The following TMOD2 variants were observed in gnomAD, a reference collection of about 807,000 sequenced individuals.
The protein encoded by TMOD2 is tropomodulin 2.
Under a neutral mutation model 39.9 loss-of-function variants are expected in TMOD2, and 22 were observed. The ratio of observed to expected loss-of-function variants is 0.55; its 90% CI spans 0.39 to 0.79. The LOEUF (loss-of-function observed/expected upper bound fraction) is 0.79. TMOD2 is among the 30% of genes least tolerant of loss of function. TMOD2 has a pLI of 0.00. For missense variants in TMOD2, 386 were observed against 413.3 expected, an observed-to-expected ratio of 0.93 and a Z score of 0.57; for synonymous variants, 123 against 146.1, an observed-to-expected ratio of 0.84 and a Z score of 1.14.
chr15:51,756,842 T>C (rs779221161), intron 1 of TMOD2, among the ~76,000 whole-genome samples: 8 of 152,204 alleles, frequency 5.3e-5, no homozygotes, highest in African/African-American at 1.9e-4. Flanking sequence ...CCAGAATATA[T>C]AGAAGTCTTT....
intron 9 of TMOD2, among the ~76,000 whole-genome samples, chr15:51,808,066 G>A (rs771859876): frequency 8.5e-5 from 13 of 152,206 alleles, no homozygotes; most frequent in Non-Finnish European, 1.8e-4. Flanking sequence ...TTAACCTGAA[G>A]AGTTAGTTAA....
rs1005997134 is a variant in TMOD2, at chr15:51,806,934, C to A, written c.1021+413C>A. Among the ~76,000 whole-genome samples the A allele has an allele frequency of 6.6e-5, 10 of 152,316 alleles. No individual in the cohort carries two copies. The Middle Eastern group carries it at 0.01, about 155-fold the overall frequency. On this transcript the variant is annotated intron_variant, in intron 9 of 9. Transcript: ENST00000249700. ...TATGGATATGTCTGATACTTTGGCA[C>A]TTTACATGTGATATAAACATGGAGC... is the stretch of plus-strand genomic sequence containing the variant.
chr15:51,795,577 G>GCTTGCTTGCTTTCTTT, intron 7 of TMOD2, among the ~76,000 whole-genome samples: 1 of 42,100 alleles, frequency 2.4e-5, no homozygotes, highest in East Asian at 4.2e-4. Flanking sequence ...TTGCTTGCTT[G>GCTTGCTTGCTTTCTTT]CTTTCTTTCT....
chr15:51,768,462 T>C lies in TMOD2; in HGVS notation c.283+44T>C, dbSNP rs769419260. ...GCATCTTGGAACAGAGGTTCTCTCT[T>C]TTTTTTTTTTGGAACGGAGGCACTC... On this transcript the variant is annotated intron_variant, in intron 3 of 9. Coordinates refer to ENST00000249700, the MANE Select transcript of TMOD2 (RefSeq NM_014548.4). 11 of 1,465,502 alleles carry C rather than the reference T, an allele frequency of 7.5e-6. No homozygotes were observed. The African/African-American group carries it at 1.0e-4, about 13-fold the overall frequency. 90.8% of individuals were successfully genotyped at this position (1,465,502 alleles called of 1,614,324 possible).
rs936217269 is a variant in TMOD2, at chr15:51,814,404, C to T, written c.*5950C>T. 6.6e-6 allele frequency: 1 copy of T among 152,232 alleles called. No homozygotes were observed. Among genetic ancestry groups the T allele is most frequent in the Non-Finnish European group, 1.5e-5 (1 of 68,070 alleles). 9.4% of individuals were successfully genotyped at this position (152,232 alleles called of 1,614,324 possible). A position where few individuals can be genotyped will look rare whatever the true frequency, so the allele number is the denominator to read the frequency against. ...CCTTGTTATCACCAGCAACCTTAGC[C>T]CTGGTCAGTAATATTTCTGCTAAGA... On this transcript the variant is annotated 3_prime_UTR_variant, in exon 10 of 10. Coordinates refer to ENST00000249700, the MANE Select transcript of TMOD2 (RefSeq NM_014548.4).
chr15:51,814,567 G>A lies in TMOD2; in HGVS notation c.*6113G>A, dbSNP rs2056176674. The A allele has an allele frequency of 6.6e-6, 1 of 152,224 alleles. No homozygotes were observed. Among genetic ancestry groups the A allele is most frequent in the Non-Finnish European group, 1.5e-5 (1 of 68,046 alleles). 9.4% of individuals were successfully genotyped at this position (152,224 alleles called of 1,614,324 possible). A position where few individuals can be genotyped will look rare whatever the true frequency, so the allele number is the denominator to read the frequency against. ...GGTGCTTAATGAACAAATGTTGCTT[G>A]AATTTAGCTGTCGTCCAGCCCCACA... On this transcript the variant is annotated 3_prime_UTR_variant, in exon 10 of 10. Transcript: ENST00000249700.
chr15:51,804,415 C>T (rs536417607), intron 8 of TMOD2, among the ~76,000 whole-genome samples: 6 of 150,452 alleles, frequency 4.0e-5, no homozygotes, highest in Admixed American at 1.3e-4. Flanking sequence ...TGTGTAGATA[C>T]GTGAATGCAT....
intron 8 of TMOD2, 140 bp downstream of exon 8, chr15:51,798,480 C>A: frequency 9.6e-7 from 1 of 1,042,400 alleles, no homozygotes; most frequent in Non-Finnish European, 1.4e-6. Flanking sequence ...AGTTTTAGAA[C>A]CATTTCTGGC....
rs73407393 is a variant in TMOD2 at position 51,784,540 on chromosome 15, A to G, written c.732+1712A>G. On this transcript the variant is annotated intron_variant, in intron 7 of 9. Coordinates refer to ENST00000249700, the MANE Select transcript of TMOD2 (RefSeq NM_014548.4). ...TTCTATGGTGATCACAGCAAACTTGAAATAAGCACTCATGTAAAAGAGGAA... is the reference window on the plus strand; with the variant it reads ...TTCTATGGTGATCACAGCAAACTTGGAATAAGCACTCATGTAAAAGAGGAA... 1,404 of 152,362 alleles carry G rather than the reference A, an allele frequency of 9.2e-3. 15 individuals carry two copies. Among genetic ancestry groups the G allele is most frequent in the African/African-American group, 0.018 (766 of 41,588 alleles). The allele number at this position is 152,362 out of a possible 1,614,324, so 9.4% of individuals were successfully genotyped here.
intron 8 of TMOD2, among the ~76,000 whole-genome samples, chr15:51,801,756 G>A (rs2056091880): frequency 6.6e-6 from 1 of 152,172 alleles, no homozygotes; most frequent in African/African-American, 2.4e-5. Context: ...AAGGCGATTT[G>A]AAGATATGCT....
At chr15:51,756,012 G>T (rs902030539) in intron 1 of TMOD2, among the ~76,000 whole-genome samples, 2 of 152,116 alleles carry the variant, frequency 1.3e-5, no homozygotes, top group African/African-American at 4.8e-5. Flanking sequence ...AACCCAGAAA[G>T]GCGCAGATCT....
At chr15:51,774,111 G>A (rs2034856) in intron 4 of TMOD2, among the ~76,000 whole-genome samples, 64,962 of 152,018 alleles carry the variant, frequency 0.43, 14,157 homozygotes, top group African/African-American at 0.49. Context: ...TGAGAATTTA[G>A]AGAATAAAAC....
At chr15:51,771,139 G>A (rs190084783) in intron 3 of TMOD2, among the ~76,000 whole-genome samples, 2 of 152,310 alleles carry the variant, frequency 1.3e-5, no homozygotes, top group East Asian at 3.9e-4. Context: ...GATATAAAAG[G>A]GGTATACAGT....
intron 8 of TMOD2, among the ~76,000 whole-genome samples, chr15:51,805,562 A>G (rs1020451668): frequency 6.6e-6 from 1 of 152,264 alleles, no homozygotes; most frequent in Admixed American, 6.5e-5. Context: ...CACAAATATA[A>G]CATGTGCACA....
intron 1 of TMOD2, among the ~76,000 whole-genome samples, chr15:51,757,941 T>C (rs1007433993): frequency 6.6e-6 from 1 of 152,148 alleles, no homozygotes; most frequent in African/African-American, 2.4e-5. Context: ...GGGACATACC[T>C]GTAGTCTCAG....
chr15:51,764,832 AAC>A (rs1041946109), intron 1 of TMOD2, among the ~76,000 whole-genome samples: 8 of 152,114 alleles, frequency 5.3e-5, no homozygotes, highest in Non-Finnish European at 1.0e-4. Context: ...TCAATGTTCA[AAC>A]ACAGCCTCTT....
intron 5 of TMOD2, among the ~76,000 whole-genome samples, chr15:51,779,801 C>T (rs140778620): frequency 2.8e-4 from 43 of 152,218 alleles, no homozygotes; most frequent in Non-Finnish European, 4.7e-4. Context: ...CCACCTCAGT[C>T]CCCTGAGCAG....
intron 4 of TMOD2, 67 bp downstream of exon 4, chr15:51,773,901 T>C: frequency 1.3e-6 from 2 of 1,522,740 alleles, no homozygotes; most frequent in East Asian, 4.6e-5. Context: ...CTGGCACCCA[T>C]GGCAGCAGGC....
intron 1 of TMOD2, 48 bp from the exon 2 acceptor site, chr15:51,766,325 T>C: frequency 2.1e-6 from 2 of 961,458 alleles, no homozygotes; most frequent in Non-Finnish European, 3.0e-6. Flanking sequence ...ATAAGTCCTG[T>C]TTACAGAACG....
Sources: gnomAD v4.1 joint callset for allele counts (sites outside exome capture counted in the v4.1 genomes callset) on GRCh38, gnomAD v4.1.1 for gene constraint, MANE v1.5 for transcripts, NCBI Gene and HGNC (gene_info 2026-07-23, HGNC 2026-07-21) for gene names.